ADAMTS19: variants seen among roughly 807,000 people sequenced by gnomAD.
ADAMTS19 encodes ADAM metallopeptidase with thrombospondin type 1 motif 19.
Under a neutral mutation model 153.3 loss-of-function variants are expected in ADAMTS19, and 93 were observed. The ratio of observed to expected loss-of-function variants is 0.61; its 90% CI spans 0.51 to 0.72. ADAMTS19 has a LOEUF of 0.72. Ranked by LOEUF, ADAMTS19 falls within the 30% of genes least tolerant of loss-of-function variation. ADAMTS19 has a pLI of 0.00. For missense variants in ADAMTS19, 1,482 were observed against 1,552.1 expected (o/e 0.95, Z 0.76); for synonymous variants, 600 against 556.6 (o/e 1.08, Z -1.10).
At chr5:129,731,186 T>C (rs1240831681) in intron 21 of ADAMTS19, among the ~76,000 whole-genome samples, 1 of 152,050 alleles carries the variant, frequency 6.6e-6, no homozygotes, top group African/African-American at 2.4e-5. Flanking sequence ...CTAGAACTCC[T>C]GGCCTCAAGT....
chr5:129,528,809 T>C (rs546498807), intron 6 of ADAMTS19, 132 bp downstream of exon 6: 1 of 638,118 alleles, frequency 1.6e-6, no homozygotes, highest in Admixed American at 4.0e-5. Flanking sequence ...ATAATGATGT[T>C]AGTCATCTCC....
At chr5:129,463,249 T>C (rs1749748089) in intron 2 of ADAMTS19, among the ~76,000 whole-genome samples, 1 of 152,192 alleles carries the variant, frequency 6.6e-6, no homozygotes, top group South Asian at 2.1e-4. Context: ...TTCACTGTGT[T>C]GAAATGTGCA....
chr5:129,658,810 C>T (rs1007845539), intron 15 of ADAMTS19, 73 bp downstream of exon 15: 14 of 1,424,516 alleles, frequency 9.8e-6, no homozygotes, highest in African/African-American at 5.7e-5. Context: ...TTGAATTTAA[C>T]TTAAGAGATT....
At chr5:129,698,430 A>G (rs1285291753) in intron 19 of ADAMTS19, among the ~76,000 whole-genome samples, 2 of 152,188 alleles carry the variant, frequency 1.3e-5, no homozygotes, top group Non-Finnish European at 2.9e-5. Flanking sequence ...GCCCGATGGC[A>G]TTCTATGGGT....
intron 6 of ADAMTS19, among the ~76,000 whole-genome samples, chr5:129,548,210 A>G (rs1752932702): frequency 6.7e-6 from 1 of 150,134 alleles, no homozygotes; most frequent in African/African-American, 2.5e-5. Flanking sequence ...CTGCACAGCA[A>G]AAGAAACTAC....
chr5:129,669,735 C>A (rs916456682), intron 16 of ADAMTS19, among the ~76,000 whole-genome samples: 1 of 151,870 alleles, frequency 6.6e-6, no homozygotes, highest in Non-Finnish European at 1.5e-5. Context: ...CCTAGGAAAA[C>A]CTTTGCTGTG....
intron 21 of ADAMTS19, among the ~76,000 whole-genome samples, chr5:129,723,418 A>C (rs1269442346): frequency 6.6e-6 from 1 of 152,218 alleles, no homozygotes; most frequent in African/African-American, 2.4e-5. Flanking sequence ...GGGTTTAAGA[A>C]GGTATATTTC....
chr5:129,492,180 G>T (rs1184178921), intron 2 of ADAMTS19, among the ~76,000 whole-genome samples: 1 of 152,188 alleles, frequency 6.6e-6, no homozygotes, highest in Non-Finnish European at 1.5e-5. Flanking sequence ...GGAGCAAGAA[G>T]AGATATGGGG....
intron 14 of ADAMTS19, among the ~76,000 whole-genome samples, chr5:129,655,464 A>G (rs1316579302): frequency 6.6e-6 from 1 of 152,234 alleles, no homozygotes; most frequent in Non-Finnish European, 1.5e-5. Context: ...CACTGCATCC[A>G]TGACAGCCTT....
chr5:129,735,002 A>G lies in ADAMTS19; in HGVS notation c.3383A>G (p.His1128Arg). ...TGCATGCATAAGATCACAGGAAGAC[A>G]TGGAAATGAATGTTTTTCCTCAGAA... ...IQCMHKITGR[H>R]GNECFSSEKP... Residue 1128 changes from histidine to arginine, a missense_variant, in exon 22 of 23, where the codon CAT (histidine) becomes CGT (arginine). His to Arg is a conservative substitution (Grantham distance 29, BLOSUM62 0). This residue lies in a region of ADAMTS19 where 616 missense variants were observed against 724.4 expected (regional missense o/e 0.85). Coordinates refer to ENST00000274487, the MANE Select transcript of ADAMTS19 (RefSeq NM_133638.6). The G allele has an allele frequency of 3.1e-6, 5 of 1,612,374 alleles. No individual in the cohort carries two copies. The highest frequency in any genetic ancestry group is 4.2e-6 in the Non-Finnish European group (5 of 1,178,972).
chr5:129,461,561 T>TGCTGCTCCGGAGAGACG lies in ADAMTS19; in HGVS notation c.554_570dup (p.Arg191CysfsTer65), dbSNP rs1473520781. ...CCGGCCTTCTCTCGGGACCTGTACC[T>TGCTGCTCCGGAGAGACG]GCTGCTCCGGAGAGACGGCCGCTTC... On this transcript the variant is annotated frameshift_variant, in exon 2 of 23. Coordinates refer to ENST00000274487, the MANE Select transcript of ADAMTS19 (RefSeq NM_133638.6). LOFTEE classifies it high-confidence loss of function. This position sits in a 1 kb window ranked among gnomAD's most constrained non-coding sequence, Gnocchi z 4.6. The TGCTGCTCCGGAGAGACG allele has an allele frequency of 1.3e-6, 2 of 1,551,606 alleles. No individual in the cohort carries two copies. The highest frequency in any genetic ancestry group is 1.7e-6 in the Non-Finnish European group (2 of 1,155,434).
intron 21 of ADAMTS19, among the ~76,000 whole-genome samples, chr5:129,731,770 G>A (rs1032164670): frequency 2.0e-5 from 3 of 152,040 alleles, no homozygotes; most frequent in East Asian, 1.9e-4. Flanking sequence ...CAAATGATAT[G>A]TCTGTATACT....
chr5:129,505,390 G>A (rs1002942089), intron 2 of ADAMTS19, among the ~76,000 whole-genome samples: 3 of 152,088 alleles, frequency 2.0e-5, no homozygotes. Flanking sequence ...TAACTTTTTA[G>A]TTAGCTCTTA....
At position 129,582,199 on chromosome 5, in the gene ADAMTS19, A is replaced by G. The variant is rs138388645; in HGVS notation, c.1373-14360A>G. ...GATCTAGTATTGCCAGTGGGATGTTAAAGTCTCCCACTATGGTTGTGTGGG... is the reference window on the plus strand; with the variant it reads ...GATCTAGTATTGCCAGTGGGATGTTGAAGTCTCCCACTATGGTTGTGTGGG... On this transcript the variant is annotated intron_variant, in intron 7 of 22. Transcript: ENST00000274487. Among the ~76,000 whole-genome samples the G allele has an allele frequency of 1.2e-4, 18 of 149,316 alleles. 1 individual carries two copies. The East Asian group carries it at 3.5e-3, about 29-fold the overall frequency.
At chr5:129,614,926 C>T (rs1751434286) in intron 8 of ADAMTS19, among the ~76,000 whole-genome samples, 1 of 152,086 alleles carries the variant, frequency 6.6e-6, no homozygotes, top group Admixed American at 6.6e-5. Flanking sequence ...TGAGTGAACT[C>T]CCATTCACAA....
rs1749794128 is a variant in ADAMTS19, at chr5:129,464,641, G to A, written c.747+2884G>A. Among the ~76,000 whole-genome samples the A allele has an allele frequency of 2.0e-5, 3 of 152,138 alleles. 1 individual carries two copies. The South Asian group carries it at 6.2e-4, about 32-fold the overall frequency. ...TAAGATTGACCATTTCACTCTCCAG[G>A]TACTACTCTAACTTGTGTTATCAAA... is the stretch of plus-strand genomic sequence containing the variant. On this transcript the variant is annotated intron_variant, in intron 2 of 22. Transcript: ENST00000274487.
chr5:129,673,155 T>C (rs1446213830), intron 16 of ADAMTS19, among the ~76,000 whole-genome samples: 2 of 152,122 alleles, frequency 1.3e-5, no homozygotes, highest in African/African-American at 2.4e-5. Context: ...ATTATCCCTA[T>C]TGTTAATTTA....
At chr5:129,626,850 A>G (rs1752074307) in intron 10 of ADAMTS19, among the ~76,000 whole-genome samples, 1 of 152,118 alleles carries the variant, frequency 6.6e-6, no homozygotes, top group Non-Finnish European at 1.5e-5. Flanking sequence ...TTTAGAAGAA[A>G]TATAAACTCA....
intron 17 of ADAMTS19, among the ~76,000 whole-genome samples, chr5:129,682,167 G>A (rs1354119267): frequency 2.0e-5 from 3 of 152,164 alleles, no homozygotes; most frequent in Admixed American, 2.0e-4. Flanking sequence ...GAAGCATGAA[G>A]CATAATTAAA....
Sources: gnomAD v4.1 joint callset for allele counts (sites outside exome capture counted in the v4.1 genomes callset) on GRCh38, gnomAD v4.1.1 for gene constraint, gnomAD v4.1.1 regional missense constraint, Gnocchi (gnomAD v3.1) non-coding constraint, MANE v1.5 for transcripts, NCBI Gene and HGNC (gene_info 2026-07-23, HGNC 2026-07-21) for gene names.